SLC6A7: variants seen among roughly 807,000 people sequenced by gnomAD.
SLC6A7 encodes solute carrier family 6 member 7.
In SLC6A7, 58 loss-of-function variants were observed where a neutral mutation model predicts 73.1. The observed-to-expected ratio is 0.79, with a 90% CI of 0.64 to 0.99. The LOEUF (loss-of-function observed/expected upper bound fraction) is 0.99. Among genes scored for constraint, SLC6A7 ranks in the 50% least tolerant of loss-of-function variants. The pLI is 0.00. For missense variants in SLC6A7, 783 were observed against 831.4 expected (o/e 0.94, Z 0.72); for synonymous variants, 338 against 338.7 (o/e 1.00, Z 0.02).
Position 150,209,694 on chromosome 5 carries a change from C to G in SLC6A7, c.*79C>G. On this transcript the variant is annotated 3_prime_UTR_variant, in exon 14 of 14. Transcript: ENST00000230671. ...AGAAGCCTGCAAAGGTCAGCTGTGCCCTCTGGGATTCTGAGAGGCTATGGG... is the reference window on the plus strand; with the variant it reads ...AGAAGCCTGCAAAGGTCAGCTGTGCGCTCTGGGATTCTGAGAGGCTATGGG... 1 of 1,198,358 alleles carries G rather than the reference C, an allele frequency of 8.3e-7. No homozygotes were observed. Among genetic ancestry groups the G allele is most frequent in the South Asian group, 1.4e-5 (1 of 73,258 alleles). The allele number at this position is 1,198,358 out of a possible 1,614,324, so 74.2% of individuals were successfully genotyped here.
At chr5:150,203,832 T>TGTGA in intron 9 of SLC6A7, 53 bp downstream of exon 9, 1 of 1,215,248 alleles carries the variant, frequency 8.2e-7, no homozygotes, top group Non-Finnish European at 1.2e-6. Flanking sequence ...TGTGTGTGTG[T>TGTGA]GTGTGTGTGT....
Position 150,205,599 on chromosome 5 carries a change from T to G in SLC6A7, c.1677T>G (p.Leu559=). 1 of 1,612,254 alleles carries G rather than the reference T, an allele frequency of 6.2e-7. No individual in the cohort carries two copies. The highest frequency in any genetic ancestry group is 8.5e-7 in the Non-Finnish European group (1 of 1,179,160). ...CAGCTGGCATGCTGGTGGCTGTGCTTCGAGAAGAGGGCTCACTCTGGGAGG... is the reference window on the plus strand; with the variant it reads ...CAGCTGGCATGCTGGTGGCTGTGCTGCGAGAAGAGGGCTCACTCTGGGAGG... ...MIPAGMLVAV[L]REEGSLWERL... Residue 559 remains leucine (L), a synonymous_variant, in exon 13 of 14, where the codon CTT becomes CTG. Coordinates refer to ENST00000230671, the MANE Select transcript of SLC6A7 (RefSeq NM_014228.5).
Position 150,196,718 on chromosome 5 carries a change from G to C in SLC6A7, c.220G>C (p.Ala74Pro). The C allele has an allele frequency of 6.2e-7, 1 of 1,612,990 alleles. No individual in the cohort carries two copies. The highest frequency in any genetic ancestry group is 8.5e-7 in the Non-Finnish European group (1 of 1,179,436). ...PYRAYTNGGGAFLVPYFLMLA... is the reference protein window; with the variant it reads ...PYRAYTNGGGPFLVPYFLMLA... The stretch of plus-strand genomic sequence containing the variant: ...GCTGACCACCCCGCTCCCGGCAGGC[G>C]CCTTCCTCGTGCCCTACTTCCTCAT... Residue 74 changes from alanine to proline, a missense_variant and splice_region_variant, in exon 3 of 14, where the codon GCC becomes CCC. Coordinates refer to ENST00000230671, the MANE Select transcript of SLC6A7 (RefSeq NM_014228.5).
intron 5 of SLC6A7, 65 bp from the exon 6 acceptor site, chr5:150,201,024 T>C: frequency 6.3e-7 from 1 of 1,576,168 alleles, no homozygotes; most frequent in Admixed American, 1.7e-5. Context: ...CACAGATGAG[T>C]TTACAAGGAA....
chr5:150,193,826 C>T (rs1752892556), intron 1 of SLC6A7, among the ~76,000 whole-genome samples: 1 of 152,214 alleles, frequency 6.6e-6, no homozygotes, highest in Non-Finnish European at 1.5e-5. Context: ...AGGAACAAAA[C>T]TCCAGCACTG....
chr5:150,209,716 T>C lies in SLC6A7; in HGVS notation c.*101T>C. The C allele has an allele frequency of 1.0e-6, 1 of 965,440 alleles. No homozygotes were observed. Among genetic ancestry groups the C allele is most frequent in the Non-Finnish European group, 1.6e-6 (1 of 629,712 alleles). The allele number at this position is 965,440 out of a possible 1,614,324, so 59.8% of individuals were successfully genotyped here. On this transcript the variant is annotated 3_prime_UTR_variant, in exon 14 of 14. Coordinates refer to ENST00000230671, the MANE Select transcript of SLC6A7 (RefSeq NM_014228.5). The stretch of plus-strand genomic sequence containing the variant: ...TGCCCTCTGGGATTCTGAGAGGCTA[T>C]GGGGGGGCCTGCCATAGGGATGCCA...
chr5:150,205,433 T>A (rs374949784), intron 12 of SLC6A7, 23 bp from the exon 13 acceptor site: 161 of 1,570,624 alleles, frequency 1.0e-4, no homozygotes, highest in Non-Finnish European at 1.3e-4. Context: ...CCCGCAGTGA[T>A]GCTGGGAGTC....
chr5:150,205,812 C>A (rs1385256967), intron 13 of SLC6A7, among the ~76,000 whole-genome samples, 189 bp downstream of exon 13: 1 of 152,138 alleles, frequency 6.6e-6, no homozygotes, highest in Non-Finnish European at 1.5e-5. Context: ...CCACATGAAG[C>A]CTTAGGGGAG....
Position 150,202,376 on chromosome 5 carries a change from C to T in SLC6A7, c.888C>T (p.Phe296=). The T allele has an allele frequency of 6.2e-7, 1 of 1,614,158 alleles. No homozygotes were observed. Among genetic ancestry groups the T allele is most frequent in the South Asian group, 1.1e-5 (1 of 91,084 alleles). ...GGATTGAAGCTGCTCTTCAGATCTT[C>T]TATTCCCTGGGTGTGGGCTTCGGGG... ...KVWIEAALQI[F]YSLGVGFGGL... Residue 296 remains phenylalanine (F), a synonymous_variant, in exon 7 of 14, where the codon TTC becomes TTT. Coordinates refer to ENST00000230671, the MANE Select transcript of SLC6A7 (RefSeq NM_014228.5).
intron 4 of SLC6A7, among the ~76,000 whole-genome samples, chr5:150,198,066 A>G (rs1205754901): frequency 1.2e-5 from 1 of 86,098 alleles, no homozygotes; most frequent in Non-Finnish European, 2.4e-5. Context: ...AAAGAAAGAA[A>G]GAAAGAAAGA....
intron 13 of SLC6A7, among the ~76,000 whole-genome samples, chr5:150,206,258 A>G (rs2270147): frequency 0.78 from 118,214 of 152,002 alleles, 46,273 homozygotes; most frequent in African/African-American, 0.82. Context: ...GTGGCAAGAG[A>G]CCATCATCAT....
chr5:150,198,485 A>G (rs889697536), intron 4 of SLC6A7, among the ~76,000 whole-genome samples: 1 of 152,220 alleles, frequency 6.6e-6, no homozygotes, highest in Admixed American at 6.5e-5. Flanking sequence ...AATCAGCCTG[A>G]GTTTGCAGCT....
At chr5:150,206,680 G>T (rs932870724) in intron 13 of SLC6A7, among the ~76,000 whole-genome samples, 1 of 152,238 alleles carries the variant, frequency 6.6e-6, no homozygotes, top group East Asian at 1.9e-4. Flanking sequence ...CCTCTGCACT[G>T]CCTCCAATTG....
At chr5:150,190,640 AGGGGCGGCC>A (rs1483812085) in intron 1 of SLC6A7, among the ~76,000 whole-genome samples, 1 of 152,086 alleles carries the variant, frequency 6.6e-6, no homozygotes, top group Non-Finnish European at 1.5e-5. Flanking sequence ...GGCGCGGGGT[AGGGGCGGCC>A]GGGGCCAGGC....
At chr5:150,207,389 G>A (rs1357289054) in intron 13 of SLC6A7, among the ~76,000 whole-genome samples, 2 of 152,132 alleles carry the variant, frequency 1.3e-5, no homozygotes, top group Non-Finnish European at 2.9e-5. Context: ...CCAAGTAGCT[G>A]GGATGACAAG....
rs767966488 is a variant in SLC6A7 at position 150,202,565 on chromosome 5, ACTT to A, written c.963-8_963-6del. 4.3e-6 allele frequency: 7 copies of A among 1,613,836 alleles called. No homozygotes were observed. The highest frequency in any genetic ancestry group is 2.2e-5 in the South Asian group (2 of 91,058). Reference sequence around the variant, plus strand: ...CCCACTCACCCTGGCCCGCACCTGGACTTCTTCTGGTAGAGACACTTTCATCGT... The same window carrying A: ...CCCACTCACCCTGGCCCGCACCTGGACTTCTGGTAGAGACACTTTCATCGT... On this transcript the variant is annotated splice_polypyrimidine_tract_variant and intron_variant, in intron 7 of 13. Transcript: ENST00000230671.
In SLC6A7 at chr5:150,196,367, T is replaced by A. The variant is rs572908331; in HGVS notation, c.218-349T>A. On this transcript the variant is annotated intron_variant, in intron 2 of 13. Coordinates refer to ENST00000230671, the MANE Select transcript of SLC6A7 (RefSeq NM_014228.5). Reference sequence around the variant, plus strand: ...GGCATGGTGGGGAGGGGCAGGCAGATAGAGGGGAGCCGGATTCTGAAGGGT... The same window carrying A: ...GGCATGGTGGGGAGGGGCAGGCAGAAAGAGGGGAGCCGGATTCTGAAGGGT... Among the ~76,000 whole-genome samples the A allele has an allele frequency of 3.4e-3, 519 of 152,134 alleles. 3 individuals carry two copies. Among genetic ancestry groups the A allele is most frequent in the African/African-American group, 0.012 (500 of 41,494 alleles).
At chr5:150,203,866 GGGGATAGAAT>G (rs1753535044) in intron 9 of SLC6A7, 31 bp from the exon 10 acceptor site, 1 of 1,035,338 alleles carries the variant, frequency 9.7e-7, no homozygotes, top group Admixed American at 2.2e-5. Context: ...TGTGTGTGTT[GGGGATAGAAT>G]TCTGACCCCC....
At chr5:150,200,945 A>G in intron 5 of SLC6A7, 144 bp from the exon 6 acceptor site, 1 of 739,558 alleles carries the variant, frequency 1.4e-6, no homozygotes, top group Middle Eastern at 2.5e-4. Flanking sequence ...GTGTGAAGGG[A>G]GGAGGGAAGC....
Sources: gnomAD v4.1 joint callset for allele counts (sites outside exome capture counted in the v4.1 genomes callset) on GRCh38, gnomAD v4.1.1 for gene constraint, MANE v1.5 for transcripts, NCBI Gene and HGNC (gene_info 2026-07-23, HGNC 2026-07-21) for gene names.